DEPDC5: variants seen among roughly 807,000 people sequenced by gnomAD.
The protein encoded by DEPDC5 is GATOR1 complex protein DEPDC5.
DEPDC5 carries 73 observed loss-of-function variants against 217.3 expected under a neutral mutation model. The ratio of observed to expected loss-of-function variants is 0.34; its 90% CI spans 0.28 to 0.41. DEPDC5 has a LOEUF of 0.41. Among genes scored for constraint, DEPDC5 ranks in the 10% least tolerant of loss-of-function variants. The pLI, the probability that DEPDC5 is intolerant of heterozygous loss-of-function variation, is 1.00. For synonymous variants in DEPDC5, 733 were observed against 756.7 expected (o/e 0.97, Z 0.51); for missense variants, 1,675 against 2,070.1 (o/e 0.81, Z 3.70).
chr22:31,799,941 C>G (rs2086694666), intron 14 of DEPDC5, among the ~76,000 whole-genome samples: 1 of 149,700 alleles, frequency 6.7e-6, no homozygotes, highest in African/African-American at 2.5e-5. Context: ...TAGCTGGGAT[C>G]ACAGGCACGT....
chr22:31,766,713 G>T, intron 6 of DEPDC5, 45 bp downstream of exon 6: 1 of 1,530,468 alleles, frequency 6.5e-7, no homozygotes, highest in African/African-American at 1.4e-5. Flanking sequence ...TTTCCATTAT[G>T]TGAATAATCC....
chr22:31,803,628 A>G (rs763731893), intron 15 of DEPDC5, among the ~76,000 whole-genome samples: 8 of 151,986 alleles, frequency 5.3e-5, no homozygotes, highest in Admixed American at 2.0e-4. Context: ...TTTCATCAAC[A>G]AGATGGAGTT....
intron 20 of DEPDC5, among the ~76,000 whole-genome samples, chr22:31,812,420 C>CTTTTTTTTTTTT (rs57618137): frequency 1.0e-5 from 1 of 98,286 alleles, no homozygotes; most frequent in Non-Finnish European, 1.9e-5. Flanking sequence ...TTCCATATTT[C>CTTTTTTTTTTTT]TTTTTTTTTT....
intron 32 of DEPDC5, among the ~76,000 whole-genome samples, chr22:31,860,860 T>A (rs893185774): frequency 2.0e-5 from 3 of 152,126 alleles, no homozygotes; most frequent in Non-Finnish European, 4.4e-5. Flanking sequence ...AATGTATCTC[T>A]CCAAGAGGGC....
At chr22:31,795,868 T>C (rs2086188910) in intron 12 of DEPDC5, among the ~76,000 whole-genome samples, 1 of 151,554 alleles carries the variant, frequency 6.6e-6, no homozygotes. Flanking sequence ...GTAGCTGGGA[T>C]TACAGGCATG....
chr22:31,798,536 C>A, intron 13 of DEPDC5, 46 bp from the exon 14 acceptor site: 3 of 1,542,936 alleles, frequency 1.9e-6, no homozygotes, highest in Non-Finnish European at 1.8e-6. Flanking sequence ...AAAAAAAGTT[C>A]ATGTTTCATG....
chr22:31,776,845 G>A (rs2148307860), intron 7 of DEPDC5, among the ~76,000 whole-genome samples: 1 of 151,994 alleles, frequency 6.6e-6, no homozygotes, highest in African/African-American at 2.4e-5. Flanking sequence ...AAAGTGCTGG[G>A]ATTACAGGCA....
At chr22:31,761,854 G>C (rs1485035748) in intron 4 of DEPDC5, among the ~76,000 whole-genome samples, 1 of 151,276 alleles carries the variant, frequency 6.6e-6, no homozygotes, top group Non-Finnish European at 1.5e-5. Context: ...TATAATCCTA[G>C]CTACCCTGGA....
At chr22:31,768,588 G>T (rs1264236628) in intron 6 of DEPDC5, among the ~76,000 whole-genome samples, 2 of 152,150 alleles carry the variant, frequency 1.3e-5, no homozygotes, top group Non-Finnish European at 2.9e-5. Context: ...ATCTATACTT[G>T]CCAAACTCTT....
At chr22:31,816,048 C>G (rs2148770745) in intron 21 of DEPDC5, 1 of 984,360 alleles carries the variant, frequency 1.0e-6, no homozygotes, top group Non-Finnish European at 1.2e-6. Flanking sequence ...ACCTGTAATT[C>G]CAGCACTTTG....
chr22:31,901,564 C>G (rs1288176920), intron 40 of DEPDC5, among the ~76,000 whole-genome samples, 178 bp from the exon 41 acceptor site: 2 of 152,120 alleles, frequency 1.3e-5, no homozygotes, highest in Admixed American at 6.6e-5. Context: ...ACACAGCTGT[C>G]CTTTCTTTGA....
At chr22:31,848,336 A>G (rs2091857371) in intron 31 of DEPDC5, among the ~76,000 whole-genome samples, 1 of 152,048 alleles carries the variant, frequency 6.6e-6, no homozygotes, top group South Asian at 2.1e-4. Flanking sequence ...TTCCTTCCGC[A>G]CTGCCCTAGC....
chr22:31,775,046 C>A (rs1243258420), intron 7 of DEPDC5, among the ~76,000 whole-genome samples: 1 of 152,164 alleles, frequency 6.6e-6, no homozygotes, highest in Non-Finnish European at 1.5e-5. Context: ...AAGCCATGGG[C>A]CTGGTCCAGC....
rs763270938 is a variant in DEPDC5, at chr22:31,845,158, A to G, written c.2942A>G (p.Gln981Arg). The stretch of plus-strand genomic sequence containing the variant: ...CCCCGTGCAGACGAGGACGAGTGGC[A>G]ACTCCTGGATGGTTTTGTCCGCTTT... ...DRPRADEDEW[Q>R]LLDGFVRFVE... The change falls in exon 30 of 43, where the codon CAA (glutamine) becomes CGA (arginine). Residue 981 changes from glutamine to arginine, a missense_variant. This residue lies in a region of DEPDC5 where 293 missense variants were observed against 386.1 expected (regional missense o/e 0.76). Coordinates refer to ENST00000651528, the MANE Select transcript of DEPDC5 (RefSeq NM_001242896.3). The G allele has an allele frequency of 6.2e-7, 1 of 1,614,040 alleles. No homozygotes were observed. The highest frequency in any genetic ancestry group is 1.3e-5 in the African/African-American group (1 of 74,942).
intron 18 of DEPDC5, among the ~76,000 whole-genome samples, chr22:31,807,088 G>C (rs1241298405): frequency 6.6e-6 from 1 of 152,144 alleles, no homozygotes; most frequent in Middle Eastern, 3.2e-3. Context: ...TTCCAAAGAG[G>C]TTTAAAATAT....
intron 7 of DEPDC5, 92 bp from the exon 8 acceptor site, chr22:31,778,007 C>A: frequency 6.9e-7 from 1 of 1,445,546 alleles, no homozygotes; most frequent in Non-Finnish European, 9.7e-7. Context: ...CTTGGCTTCC[C>A]AAAGTGCTGG....
Position 31,874,270 on chromosome 22 carries a change from C to G in DEPDC5, c.3564-3C>G, listed in dbSNP as rs2092931141. The G allele has an allele frequency of 1.8e-5, 29 of 1,605,942 alleles. No homozygotes were observed. The highest frequency in any genetic ancestry group is 2.4e-5 in the Non-Finnish European group (28 of 1,176,076). ...GCTCCCCGTTCACCGTGTTGGAACCCAGGACAGGAGTCCAGCTGCTCTCTG... is the reference window on the plus strand; with the variant it reads ...GCTCCCCGTTCACCGTGTTGGAACCGAGGACAGGAGTCCAGCTGCTCTCTG... On this transcript the variant is annotated splice_polypyrimidine_tract_variant and splice_region_variant and intron_variant, in intron 35 of 42. Coordinates refer to ENST00000651528, the MANE Select transcript of DEPDC5 (RefSeq NM_001242896.3).
chr22:31,784,659 T>G lies in DEPDC5; in HGVS notation c.563-155T>G, dbSNP rs1351761491. The G allele has an allele frequency of 2.1e-5, 13 of 609,406 alleles. No homozygotes were observed. In the East Asian group the frequency reaches 3.2e-4, roughly 15 times the overall value. 37.7% of individuals were successfully genotyped at this position (609,406 alleles called of 1,614,324 possible). A position where few individuals can be genotyped will look rare whatever the true frequency, so the allele number is the denominator to read the frequency against. ...AAAGATGTACAAAATACACCTTCTT[T>G]TTGGTCCCCTTTCTTATAGAAGAAG... On this transcript the variant is annotated intron_variant, in intron 9 of 42. Transcript: ENST00000651528.
intron 7 of DEPDC5, among the ~76,000 whole-genome samples, chr22:31,770,930 G>A (rs779570109): frequency 4.0e-5 from 6 of 151,006 alleles, no homozygotes; most frequent in Non-Finnish European, 5.9e-5. Flanking sequence ...CTACAGGCAC[G>A]TGCCACCATG....
Sources: allele counts gnomAD v4.1 joint callset (sites outside exome capture counted in the v4.1 genomes callset), GRCh38; gene constraint gnomAD v4.1.1; regional missense constraint gnomAD v4.1.1; transcripts MANE v1.5; gene names NCBI Gene and HGNC (gene_info 2026-07-23, HGNC 2026-07-21).